The following DDX19B variants were observed in gnomAD, a reference collection of about 807,000 sequenced individuals.
The protein encoded by DDX19B is DEAD-box helicase 19B.
A neutral mutation model predicts 58.1 loss-of-function variants in DDX19B; 27 were observed. The ratio of observed to expected loss-of-function variants is 0.46; its 90% CI spans 0.34 to 0.64. DDX19B has a LOEUF of 0.64. DDX19B is among the 30% of genes least tolerant of loss of function. The probability of loss-of-function intolerance (pLI) is 0.01; values close to 1 mark genes in which losing one functional copy is unlikely to be tolerated. For missense variants in DDX19B, 399 were observed against 596.5 expected (o/e 0.67, Z 3.45); for synonymous variants, 187 against 214.4 (o/e 0.87, Z 1.12).
chr16:70,322,651 TGGGAG>T (rs1962904024), intron 5 of DDX19B, among the ~76,000 whole-genome samples: 2 of 150,564 alleles, frequency 1.3e-5, no homozygotes, highest in African/African-American at 2.4e-5. Flanking sequence ...CCCAACACTT[TGGGAG>T]GCCCAAGGCA....
chr16:70,309,327 C>T (rs1292629621), intron 1 of DDX19B, among the ~76,000 whole-genome samples: 1 of 151,330 alleles, frequency 6.6e-6, no homozygotes, highest in East Asian at 1.9e-4. Flanking sequence ...AACCCCGTCT[C>T]TACTAAAAAT....
chr16:70,320,219 C>T (rs1962692792), intron 5 of DDX19B, among the ~76,000 whole-genome samples: 1 of 152,064 alleles, frequency 6.6e-6, no homozygotes, highest in Non-Finnish European at 1.5e-5. Flanking sequence ...AGCAATCCTC[C>T]TGCCTCAGCC....
chr16:70,299,969 A>T (rs1961399645), intron 1 of DDX19B, among the ~76,000 whole-genome samples: 1 of 152,160 alleles, frequency 6.6e-6, no homozygotes, highest in Admixed American at 6.6e-5. Context: ...ATGGTAAGCA[A>T]GAGATGTGTT....
intron 5 of DDX19B, among the ~76,000 whole-genome samples, chr16:70,318,901 G>C (rs939222145): frequency 3.0e-4 from 46 of 151,380 alleles, no homozygotes; most frequent in Non-Finnish European, 1.3e-4. Context: ...TCCGGAGATC[G>C]AGACCATCCT....
intron 7 of DDX19B, among the ~76,000 whole-genome samples, chr16:70,326,338 G>A (rs553369705): frequency 9.2e-5 from 14 of 152,188 alleles, no homozygotes; most frequent in African/African-American, 2.6e-4. Flanking sequence ...TTAGCCAGGC[G>A]TGGTGGCGGG....
intron 6 of DDX19B, 149 bp from the exon 7 acceptor site, chr16:70,325,425 T>C (rs1167075994): frequency 2.1e-5 from 13 of 610,994 alleles, no homozygotes; most frequent in Non-Finnish European, 2.9e-5. Context: ...CTTATGACTC[T>C]GTAGCTTAAA....
chr16:70,298,183 G>C (rs1027227941), upstream of DDX19B, among the ~76,000 whole-genome samples: 5 of 152,130 alleles, frequency 3.3e-5, no homozygotes, highest in African/African-American at 7.2e-5. Flanking sequence ...CAAGGCAGGC[G>C]GATCACGAGG....
At chr16:70,333,461 T>A in intron 11 of DDX19B, 60 bp from the exon 12 acceptor site, 9 of 1,613,542 alleles carry the variant, frequency 5.6e-6, no homozygotes, top group Non-Finnish European at 7.6e-6. Flanking sequence ...GAATGATTGC[T>A]GTGGCCCAAG....
intron 5 of DDX19B, chr16:70,319,517 T>C (rs916497711): frequency 2.0e-5 from 3 of 152,230 alleles, no homozygotes; most frequent in Middle Eastern, 6.8e-3. Flanking sequence ...TAATACAGAT[T>C]GATCCTATAT....
At chr16:70,302,201 G>A (rs185368644) in intron 1 of DDX19B, among the ~76,000 whole-genome samples, 43 of 152,218 alleles carry the variant, frequency 2.8e-4, no homozygotes, top group East Asian at 5.8e-4. Flanking sequence ...AATTACAGGC[G>A]TGAGCCACCA....
At chr16:70,295,440 C>T (rs1476559747), upstream of DDX19B, among the ~76,000 whole-genome samples, 1 of 150,550 alleles carries the variant, frequency 6.6e-6, no homozygotes, top group East Asian at 1.9e-4. Context: ...CGCCCAGCTA[C>T]TTAAAAAAAA....
intron 1 of DDX19B, 113 bp downstream of exon 1, chr16:70,299,467 GA>G: frequency 7.8e-7 from 1 of 1,279,212 alleles, no homozygotes; most frequent in Non-Finnish European, 1.1e-6. Context: ...TGGCGGGGAG[GA>G]TAGGGATGGA....
At chr16:70,309,897 G>A (rs971327032) in intron 1 of DDX19B, among the ~76,000 whole-genome samples, 2 of 138,738 alleles carry the variant, frequency 1.4e-5, no homozygotes, top group Non-Finnish European at 3.1e-5. Context: ...ACATTTTTTT[G>A]TTCTCTCCTC....
upstream of DDX19B, chr16:70,294,759 G>C (rs149136931): frequency 1.8e-3 from 2,029 of 1,117,884 alleles, 6 homozygotes; most frequent in Non-Finnish European, 2.1e-3. Context: ...TGGCTGACAG[G>C]ATTTCCAGGC....
At chr16:70,315,099 G>A (rs976940829) in intron 3 of DDX19B, 144 bp downstream of exon 3, 9 of 786,186 alleles carry the variant, frequency 1.1e-5, no homozygotes, top group Middle Eastern at 4.4e-4. Flanking sequence ...TATAGGGGCC[G>A]GGCACGGTGG....
rs557769796 is a variant in DDX19B, at chr16:70,308,461, T to G, written c.58-4148T>G. 1.1e-4 allele frequency among the ~76,000 whole-genome samples: 17 copies of G among 152,082 alleles called. No homozygotes were observed. In the East Asian group the frequency reaches 3.1e-3, roughly 28 times the overall value. ...CATGTTGGTCAGGCTGGTCTCGAAC[T>G]CCTGACCTCAGGTGATCAGCCTGCC... On this transcript the variant is annotated intron_variant, in intron 1 of 11. Transcript: ENST00000288071.
intron 2 of DDX19B, 172 bp from the exon 3 acceptor site, chr16:70,314,730 C>T: frequency 1.7e-6 from 1 of 593,534 alleles, no homozygotes; most frequent in Non-Finnish European, 3.2e-6. Context: ...CAGTGTTTTA[C>T]ACCTTTGTTT....
chr16:70,324,383 AAAAAAG>A (rs1461499666), intron 5 of DDX19B, among the ~76,000 whole-genome samples, 196 bp from the exon 6 acceptor site: 17 of 150,704 alleles, frequency 1.1e-4, no homozygotes, highest in African/African-American at 2.5e-4. Context: ...AAAAAAAAAA[AAAAAAG>A]AAGAAGATGT....
rs574352544 is a variant in DDX19B at position 70,329,691 on chromosome 16, C to T, written c.786-140C>T. The T allele has an allele frequency of 8.5e-6, 11 of 1,298,114 alleles. No homozygotes were observed. In the East Asian group the frequency reaches 2.7e-4, roughly 31 times the overall value. The allele number at this position is 1,298,114 out of a possible 1,614,324, so 80.4% of individuals were successfully genotyped here. A position where few individuals can be genotyped will look rare whatever the true frequency, so the allele number is the denominator to read the frequency against. On this transcript the variant is annotated intron_variant, in intron 8 of 11. Coordinates refer to ENST00000288071, the MANE Select transcript of DDX19B (RefSeq NM_007242.7). ...TCTCCCCCAACCCCTGTCCCCATCC[C>T]AGGCCTGCTGCTCCTCCTCCCCAAG...
Sources: gnomAD v4.1 joint callset for allele counts (sites outside exome capture counted in the v4.1 genomes callset) on GRCh38, gnomAD v4.1.1 for gene constraint, MANE v1.5 for transcripts, NCBI Gene and HGNC (gene_info 2026-07-23, HGNC 2026-07-21) for gene names.